The following PDE12 variants were observed in gnomAD, a reference collection of about 807,000 sequenced individuals.
PDE12 encodes the protein 2',5'-phosphodiesterase 12.
Under a neutral mutation model 45.4 loss-of-function variants are expected in PDE12, and 26 were observed. That is an observed-to-expected ratio of 0.57 (90% confidence interval 0.42 to 0.79). PDE12 has a LOEUF of 0.79. PDE12 is among the 30% of genes least tolerant of loss of function. The pLI, the probability that PDE12 is intolerant of heterozygous loss-of-function variation, is 0.00. For synonymous variants in PDE12, 283 were observed against 323.9 expected (o/e 0.87, Z 1.36); for missense variants, 668 against 790.0 (o/e 0.85, Z 1.85).
At chr3:57,624,618 GC>G in the PDE12 span, among the ~76,000 whole-genome samples, 1 of 151,632 alleles carries the variant, frequency 6.6e-6, no homozygotes, top group Non-Finnish European at 1.5e-5. Flanking sequence ...ACAAAAATTA[GC>G]CAGGTGTGGT....
At chr3:57,646,015 C>T in the PDE12 span, among the ~76,000 whole-genome samples, 8 of 152,196 alleles carry the variant, frequency 5.3e-5, no homozygotes, top group African/African-American at 1.9e-4. Flanking sequence ...GCCTTTGACT[C>T]TACACTGATC....
At chr3:57,649,668 G>GTATA in the PDE12 span, among the ~76,000 whole-genome samples, 2 of 150,330 alleles carry the variant, frequency 1.3e-5, no homozygotes, top group East Asian at 1.9e-4. Context: ...TTGTATGTGT[G>GTATA]TATATATATA....
chr3:57,607,708 G>A, the PDE12 span, among the ~76,000 whole-genome samples: 1 of 152,124 alleles, frequency 6.6e-6, no homozygotes, highest in Non-Finnish European at 1.5e-5. Flanking sequence ...AAATGACAAA[G>A]CCTCGAAGAA....
chr3:57,584,849 AT>A, the PDE12 span, among the ~76,000 whole-genome samples: 1 of 137,202 alleles, frequency 7.3e-6, no homozygotes, highest in Admixed American at 7.4e-5. Flanking sequence ...AACTACCAGC[AT>A]TTTTTGGGGG....
chr3:57,577,983 G>GT, the PDE12 span, among the ~76,000 whole-genome samples: 2,443 of 152,156 alleles, frequency 0.016, 35 homozygotes, highest in Admixed American at 0.032. Flanking sequence ...AGCCCGAGAC[G>GT]GAGGTTGCAG....
At chr3:57,580,580 T>C in the PDE12 span, among the ~76,000 whole-genome samples, 1 of 150,308 alleles carries the variant, frequency 6.7e-6, no homozygotes, top group Non-Finnish European at 1.5e-5. Context: ...TTTTTTTTAA[T>C]TTTTTTTTGT....
At chr3:57,634,299 G>A in the PDE12 span, among the ~76,000 whole-genome samples, 1 of 151,960 alleles carries the variant, frequency 6.6e-6, no homozygotes, top group East Asian at 1.9e-4. Flanking sequence ...CAGGCATGAT[G>A]GTGCACACCT....
the PDE12 span, among the ~76,000 whole-genome samples, chr3:57,590,485 C>CA: frequency 3.6e-4 from 55 of 151,088 alleles, no homozygotes; most frequent in East Asian, 8.5e-3. Flanking sequence ...GACTCCGTCT[C>CA]AAAAAAAGAA....
At chr3:57,635,703 T>A in the PDE12 span, among the ~76,000 whole-genome samples, 2 of 152,202 alleles carry the variant, frequency 1.3e-5, no homozygotes, top group Admixed American at 6.5e-5. Flanking sequence ...TCCTTTGCAA[T>A]CTTATATTGC....
the PDE12 span, among the ~76,000 whole-genome samples, chr3:57,580,284 G>A: frequency 2.0e-5 from 3 of 151,998 alleles, no homozygotes; most frequent in African/African-American, 7.3e-5. Flanking sequence ...CAATCACAGA[G>A]ATATAAAAGA....
chr3:57,644,819 G>A, the PDE12 span, among the ~76,000 whole-genome samples: 1 of 102,626 alleles, frequency 9.7e-6, no homozygotes, highest in Non-Finnish European at 2.0e-5. Context: ...GGGAGGGGAG[G>A]GGGAAAGACA....
At chr3:57,648,731 A>T in the PDE12 span, among the ~76,000 whole-genome samples, 2 of 152,192 alleles carry the variant, frequency 1.3e-5, no homozygotes, top group Admixed American at 1.3e-4. Context: ...CAGTCAACTG[A>T]TCTTCAACAA....
At chr3:57,597,994 C>T in the PDE12 span, 4 of 152,208 alleles carry the variant, frequency 2.6e-5, no homozygotes, top group Non-Finnish European at 5.9e-5. Flanking sequence ...ATCTCTAATT[C>T]TGTCAAGGCG....
the PDE12 span, among the ~76,000 whole-genome samples, chr3:57,616,505 A>G: frequency 2.0e-5 from 3 of 149,034 alleles, no homozygotes; most frequent in Non-Finnish European, 3.0e-5. Flanking sequence ...AGGAGGAGGA[A>G]GAGGAAGAGG....
the PDE12 span, chr3:57,630,619 AG>A: frequency 6.6e-7 from 1 of 1,524,676 alleles, no homozygotes; most frequent in Non-Finnish European, 8.8e-7. Context: ...AAACTTTAGT[AG>A]AATTTTTTAA....
At chr3:57,646,355 G>A in the PDE12 span, 1 of 1,613,980 alleles carries the variant, frequency 6.2e-7, no homozygotes, top group South Asian at 1.1e-5. Flanking sequence ...TTCCGATGGT[G>A]ATGGCGCCAT....
chr3:57,577,386 C>T, the PDE12 span: 2 of 1,607,306 alleles, frequency 1.2e-6, no homozygotes, highest in Non-Finnish European at 1.7e-6. Flanking sequence ...AAAAATAAGA[C>T]CCTGGGGAAA....
At chr3:57,609,740 T>A in the PDE12 span, among the ~76,000 whole-genome samples, 1 of 152,036 alleles carries the variant, frequency 6.6e-6, no homozygotes, top group East Asian at 1.9e-4. Context: ...AGGCAATAAT[T>A]AATAGCCTAC....
the PDE12 span, among the ~76,000 whole-genome samples, chr3:57,611,063 G>A: frequency 1.3e-5 from 2 of 152,046 alleles, no homozygotes; most frequent in African/African-American, 4.8e-5. Context: ...ACAGAACAGA[G>A]CCCTCAGAAA....
Sources: allele counts gnomAD v4.1 joint callset (sites outside exome capture counted in the v4.1 genomes callset), GRCh38; gene constraint gnomAD v4.1.1; transcripts MANE v1.5; gene names NCBI Gene and HGNC (gene_info 2026-07-23, HGNC 2026-07-21).